Variants in PLCL2 observed in about 807,000 individuals in gnomAD.
PLCL2 encodes phospholipase C like 2.
Under a neutral mutation model 79.6 loss-of-function variants are expected in PLCL2, and 4 were observed. The observed-to-expected ratio is 0.05, with a 90% confidence interval of 0.02 to 0.11. The LOEUF is 0.11. Ranked by LOEUF, PLCL2 falls within the 10% of genes least tolerant of loss-of-function variation. The pLI is 1.00. For missense variants in PLCL2, 895 were observed against 1,291.0 expected (o/e 0.69, Z 4.70); for synonymous variants, 484 against 457.7 (o/e 1.06, Z -0.73).
In PLCL2 at chr3:17,087,566, G is replaced by A. The variant is rs968402807; in HGVS notation, c.3205-2167G>A. On this transcript the variant is annotated intron_variant, in intron 5 of 5. Transcript: ENST00000615277. ...GGTGGTGGAACTATTCTGCATGATC[G>A]TGTAAGGGTAGATAGATGTTGTTAT... 9.9e-5 allele frequency among the ~76,000 whole-genome samples: 15 copies of A among 152,176 alleles called. No individual in the cohort carries two copies. The East Asian group carries it at 2.1e-3, about 21-fold the overall frequency.
chr3:16,978,542 C>T (rs2063948969), intron 1 of PLCL2, among the ~76,000 whole-genome samples: 1 of 152,132 alleles, frequency 6.6e-6, no homozygotes, highest in Non-Finnish European at 1.5e-5. Context: ...CTGAAGCCTG[C>T]CTTCATTTCT....
chr3:16,997,731 G>A (rs146673370), intron 1 of PLCL2, among the ~76,000 whole-genome samples: 1,637 of 151,738 alleles, frequency 0.011, 30 homozygotes, highest in Admixed American at 0.046. Flanking sequence ...GTAGAGATGG[G>A]GTTTCACAGT....
chr3:17,009,905 G>A lies in PLCL2; in HGVS notation c.559G>A (p.Asp187Asn), dbSNP rs1315235303. ...SKKDSEKAKI[D>N]IKSIKEVRTG... ...GAAGGATTCTGAGAAAGCCAAGATT[G>A]ACATTAAATCCATCAAGGAAGTGAG... Residue 187 changes from aspartate to asparagine, a missense_variant, in exon 2 of 6, where the codon GAC becomes AAC. Physicochemically the swap from Asp to Asn is conservative, Grantham distance 23. This residue lies in a region of PLCL2 where 129 missense variants were observed against 208.8 expected (regional missense o/e 0.62). Transcript: ENST00000615277. This position sits in a 1 kb window ranked among gnomAD's most constrained non-coding sequence, Gnocchi z 4.0. The A allele has an allele frequency of 6.2e-7, 1 of 1,612,990 alleles. No individual in the cohort carries two copies. The highest frequency in any genetic ancestry group is 1.7e-5 in the Admixed American group (1 of 59,978).
intron 1 of PLCL2, among the ~76,000 whole-genome samples, chr3:16,895,057 A>G (rs1324686131): frequency 3.3e-5 from 5 of 151,850 alleles, no homozygotes; most frequent in African/African-American, 9.7e-5. Context: ...GATATGTTGA[A>G]ACACGTATCT....
chr3:16,928,241 G>A (rs1697303973), intron 1 of PLCL2, among the ~76,000 whole-genome samples: 1 of 152,204 alleles, frequency 6.6e-6, no homozygotes, highest in African/African-American at 2.4e-5. Context: ...CCAAGAGGCT[G>A]AGAGAGCATC....
chr3:16,903,602 G>T (rs1696679795), intron 1 of PLCL2, among the ~76,000 whole-genome samples: 1 of 152,232 alleles, frequency 6.6e-6, no homozygotes, highest in African/African-American at 2.4e-5. Context: ...GCCAGTGAAA[G>T]TGTGGAATCG....
intron 1 of PLCL2, among the ~76,000 whole-genome samples, chr3:16,927,728 C>T (rs1007293964): frequency 4.6e-5 from 7 of 152,188 alleles, no homozygotes; most frequent in African/African-American, 1.4e-4. Flanking sequence ...CTGTTTCCCC[C>T]GCCCCCACCA....
chr3:16,978,119 C>T (rs1338849841), intron 1 of PLCL2, among the ~76,000 whole-genome samples: 1 of 152,214 alleles, frequency 6.6e-6, no homozygotes, highest in Non-Finnish European at 1.5e-5. Context: ...GGAATCTGTT[C>T]AGCCAATACA....
At chr3:16,967,403 T>C (rs1459054906) in intron 1 of PLCL2, among the ~76,000 whole-genome samples, 4 of 152,142 alleles carry the variant, frequency 2.6e-5, no homozygotes, top group African/African-American at 9.7e-5. Context: ...AGCATTCCCT[T>C]TTCTCTGTAA....
chr3:16,947,239 C>T (rs112236194), intron 1 of PLCL2, among the ~76,000 whole-genome samples: 130 of 152,230 alleles, frequency 8.5e-4, no homozygotes, highest in African/African-American at 2.7e-3. Context: ...CGCGAGCCAC[C>T]GCATCCAGCT....
intron 1 of PLCL2, among the ~76,000 whole-genome samples, chr3:16,933,973 A>G (rs1392295161): frequency 6.6e-6 from 1 of 152,100 alleles, no homozygotes; most frequent in Non-Finnish European, 1.5e-5. Context: ...AGGCGGAGGC[A>G]GGAGAATCGC....
At chr3:16,969,830 G>C (rs1208045741) in intron 1 of PLCL2, among the ~76,000 whole-genome samples, 2 of 151,784 alleles carry the variant, frequency 1.3e-5, no homozygotes, top group African/African-American at 2.4e-5. Flanking sequence ...TGTGATGTTA[G>C]GTTGTTCATT....
In PLCL2 at chr3:16,960,104, C is replaced by CA. The variant is rs1019244081; in HGVS notation, c.328-49560dup. On this transcript the variant is annotated intron_variant, in intron 1 of 5. Transcript: ENST00000615277. ...TGGGCGACAGAGGAAGACTCCATCT[C>CA]AAAAAAAAAAGTTCATCTTCTCCAT... 1.4e-4 allele frequency among the ~76,000 whole-genome samples: 21 copies of CA among 149,296 alleles called. No individual in the cohort carries two copies. The South Asian group carries it at 2.3e-3, about 17-fold the overall frequency.
At chr3:16,911,494 G>A (rs1218890656) in intron 1 of PLCL2, among the ~76,000 whole-genome samples, 1 of 152,106 alleles carries the variant, frequency 6.6e-6, no homozygotes. Flanking sequence ...CTAGTTCTAG[G>A]AAATCTGAAT....
At chr3:17,030,289 A>G (rs187623313) in intron 3 of PLCL2, among the ~76,000 whole-genome samples, 180 of 152,294 alleles carry the variant, frequency 1.2e-3, no homozygotes, top group Non-Finnish European at 2.1e-3. Flanking sequence ...TTATAAGACT[A>G]TGTACCTGTA....
intron 1 of PLCL2, among the ~76,000 whole-genome samples, chr3:16,936,089 G>T (rs1697532102): frequency 6.6e-6 from 1 of 152,258 alleles, no homozygotes; most frequent in Non-Finnish European, 1.5e-5. Flanking sequence ...CAAGATCAAA[G>T]GTTGTAGAGC....
In PLCL2 at chr3:16,894,124, T is replaced by C. The variant is rs953762029; in HGVS notation, c.327+8758T>C. Among the ~76,000 whole-genome samples the C allele has an allele frequency of 4.6e-5, 7 of 152,330 alleles. No homozygotes were observed. The East Asian group carries it at 1.3e-3, about 29-fold the overall frequency. ...CATATGGTTTCCTGCTACCTTTTAT[T>C]TTTTATTCTAAACTCTGATATTCTG... On this transcript the variant is annotated intron_variant, in intron 1 of 5. Coordinates refer to ENST00000615277, the MANE Select transcript of PLCL2 (RefSeq NM_001144382.2).
intron 1 of PLCL2, among the ~76,000 whole-genome samples, chr3:16,923,430 C>G (rs1208340303): frequency 6.6e-6 from 1 of 152,236 alleles, no homozygotes; most frequent in Non-Finnish European, 1.5e-5. Flanking sequence ...GTTGCACAGG[C>G]AGAGGCTTGG....
chr3:17,072,116 C>T (rs543837337), intron 5 of PLCL2, among the ~76,000 whole-genome samples: 18 of 152,242 alleles, frequency 1.2e-4, no homozygotes, highest in Non-Finnish European at 2.4e-4. Context: ...TGTGAGCCAT[C>T]ACGCCTGACT....
Sources: allele counts gnomAD v4.1 joint callset (sites outside exome capture counted in the v4.1 genomes callset), GRCh38; gene constraint gnomAD v4.1.1; regional missense constraint gnomAD v4.1.1; non-coding constraint Gnocchi (gnomAD v3.1); transcripts MANE v1.5; gene names NCBI Gene and HGNC (gene_info 2026-07-23, HGNC 2026-07-21).